The following UBXN7 variants were observed in gnomAD, a reference collection of about 807,000 sequenced individuals.
The protein encoded by UBXN7 is UBX domain-containing protein 7.
Under a neutral mutation model 58.0 loss-of-function variants are expected in UBXN7, and 9 were observed. The ratio of observed to expected loss-of-function variants is 0.16; its 90% confidence interval spans 0.09 to 0.27. UBXN7 has a LOEUF of 0.27. Ranked by LOEUF, UBXN7 falls within the 10% of genes least tolerant of loss-of-function variation. The probability of loss-of-function intolerance (pLI) is 1.00; values close to 1 mark genes in which losing one functional copy is unlikely to be tolerated. For synonymous variants in UBXN7, 208 were observed against 205.0 expected (o/e 1.01, Z -0.12); for missense variants, 328 against 599.6 (o/e 0.55, Z 4.73).
chr3:196,364,699 GGTT>G lies in UBXN7; in HGVS notation c.835-2015_835-2013del, dbSNP rs911660673. 1.5e-4 allele frequency among the ~76,000 whole-genome samples: 22 copies of G among 149,214 alleles called. 1 individual carries two copies. The highest frequency in any genetic ancestry group is 5.5e-4 in the African/African-American group (22 of 40,346). ...TTAAAGGGAAAAACATTTTTTTGCT[GGTT>G]GTTTTTTTTTTTTGAGAGAGGTTCT... On this transcript the variant is annotated intron_variant, in intron 8 of 10. Transcript: ENST00000296328.
intron 8 of UBXN7, among the ~76,000 whole-genome samples, chr3:196,366,286 G>A (rs548640239): frequency 6.6e-6 from 1 of 152,134 alleles, no homozygotes; most frequent in East Asian, 1.9e-4. Flanking sequence ...GGAGGCCAAG[G>A]GAGGAGAATT....
At chr3:196,361,790 G>T in intron 10 of UBXN7, 54 bp downstream of exon 10, 1 of 1,491,396 alleles carries the variant, frequency 6.7e-7, no homozygotes, top group Non-Finnish European at 9.3e-7. Context: ...CAAACAATTT[G>T]GGACTCGTCT....
rs565291965 is a variant in UBXN7, at chr3:196,362,080, G to A, written c.1229-157C>T. Among the ~76,000 whole-genome samples, 125 of 152,198 alleles carry A rather than the reference G, an allele frequency of 8.2e-4. 1 individual carries two copies. The highest frequency in any genetic ancestry group is 2.6e-3 in the African/African-American group (106 of 41,510). ...GTGATCTCAGCTCACTGCAACCTCC[G>A]CCTCCCTGGTTCAAGCCACTCTCCT... is the stretch of plus-strand genomic sequence containing the variant. On this transcript the variant is annotated intron_variant, in intron 9 of 10. Transcript: ENST00000296328.
In UBXN7 at chr3:196,349,688, A is replaced by ATCAGT. The variant is rs1432983955; in HGVS notation, c.*6992_*6996dup. 6.6e-6 allele frequency: 1 copy of ATCAGT among 152,194 alleles called. No individual in the cohort carries two copies. The highest frequency in any genetic ancestry group is 1.5e-5 in the Non-Finnish European group (1 of 68,032). 9.4% of individuals were successfully genotyped at this position (152,194 alleles called of 1,614,324 possible). A position where few individuals can be genotyped will look rare whatever the true frequency, so the allele number is the denominator to read the frequency against. On this transcript the variant is annotated 3_prime_UTR_variant, in exon 11 of 11. Coordinates refer to ENST00000296328, the MANE Select transcript of UBXN7 (RefSeq NM_015562.2). ...GTTCCAGATCAAGAATCTCTCCCTT[A>ATCAGT]TCAGTTAAGAGTTCCATACTGAGTC...
chr3:196,388,837 T>A (rs1174836410), intron 5 of UBXN7, among the ~76,000 whole-genome samples: 1 of 152,106 alleles, frequency 6.6e-6, no homozygotes, highest in African/African-American at 2.4e-5. Context: ...AATACATGTA[T>A]CATTAACCAT....
chr3:196,432,421 GAAC>G lies in UBXN7; in HGVS notation c.-25_-23del, dbSNP rs754348085. On this transcript the variant is annotated 5_prime_UTR_variant, in exon 1 of 11. Coordinates refer to ENST00000296328, the MANE Select transcript of UBXN7 (RefSeq NM_015562.2). ...CCATCTTACCGCCGCCGCCGCCGCC[GAAC>G]AACAACACAGACACACACGGACTGC... The G allele has an allele frequency of 7.5e-5, 119 of 1,579,206 alleles. No homozygotes were observed. In the East Asian group the frequency reaches 1.9e-3, roughly 25 times the overall value.
intron 1 of UBXN7, among the ~76,000 whole-genome samples, chr3:196,414,046 G>A (rs1402048900): frequency 5.3e-5 from 8 of 152,142 alleles, no homozygotes; most frequent in Admixed American, 5.2e-4. Context: ...CTGGAGTGCA[G>A]TGGTACGATC....
chr3:196,412,610 A>G (rs1328867942), intron 1 of UBXN7, among the ~76,000 whole-genome samples: 1 of 152,150 alleles, frequency 6.6e-6, no homozygotes, highest in African/African-American at 2.4e-5. Context: ...GGTCTCAAAA[A>G]TATATTTATA....
intron 5 of UBXN7, among the ~76,000 whole-genome samples, chr3:196,385,355 C>T (rs1729344824): frequency 6.6e-6 from 1 of 152,172 alleles, no homozygotes; most frequent in Admixed American, 6.6e-5. Context: ...CTCGCTACAA[C>T]CTCCACCTCC....
chr3:196,393,067 T>C (rs1250141223), intron 4 of UBXN7, among the ~76,000 whole-genome samples: 1 of 152,214 alleles, frequency 6.6e-6, no homozygotes, highest in African/African-American at 2.4e-5. Flanking sequence ...AAATCAATAC[T>C]AAATCCTCTA....
intron 2 of UBXN7, among the ~76,000 whole-genome samples, chr3:196,405,524 A>C (rs1730135697): frequency 6.6e-6 from 1 of 151,962 alleles, no homozygotes; most frequent in Non-Finnish European, 1.5e-5. Flanking sequence ...ACTTTTACCT[A>C]AACAAAACTT....
intron 1 of UBXN7, among the ~76,000 whole-genome samples, chr3:196,423,023 T>C (rs1730735670): frequency 1.3e-5 from 2 of 152,214 alleles, no homozygotes; most frequent in South Asian, 4.1e-4. Flanking sequence ...TGATTACACT[T>C]ACATGACATT....
At chr3:196,396,944 A>G (rs1430858403) in intron 3 of UBXN7, among the ~76,000 whole-genome samples, 1 of 152,000 alleles carries the variant, frequency 6.6e-6, no homozygotes, top group Non-Finnish European at 1.5e-5. Flanking sequence ...TAAGGGACTG[A>G]TCTCCGTATA....
chr3:196,418,949 G>T (rs959171949), intron 1 of UBXN7, among the ~76,000 whole-genome samples: 1 of 152,152 alleles, frequency 6.6e-6, no homozygotes, highest in Non-Finnish European at 1.5e-5. Flanking sequence ...GCATATTCCT[G>T]AGATGGTGCT....
At position 196,430,514 on chromosome 3, in the gene UBXN7, A is replaced by G. The variant is rs1341882306; in HGVS notation, c.73+1813T>C. Among the ~76,000 whole-genome samples, 4 of 151,872 alleles carry G rather than the reference A, an allele frequency of 2.6e-5. No homozygotes were observed. In the East Asian group the frequency reaches 7.7e-4, roughly 29 times the overall value. On this transcript the variant is annotated intron_variant, in intron 1 of 10. Transcript: ENST00000296328. ...GCAATCCTCCCACCTCAGCCTCCCC[A>G]GTAGCTGGGACTACATGTCGGTGCC...
chr3:196,362,599 G>GAA lies in UBXN7; in HGVS notation c.922_923insTT (p.Thr308IlefsTer35). 6.2e-7 allele frequency: 1 copy of GAA among 1,614,156 alleles called. No individual in the cohort carries two copies. ...TTCATCTGAGCGGCTATCCTGTTTT[G>GAA]TCTGTGTTGAATCAAAATGTGTTTC... On this transcript the variant is annotated frameshift_variant, in exon 9 of 11. Coordinates refer to ENST00000296328, the MANE Select transcript of UBXN7 (RefSeq NM_015562.2). LOFTEE classifies it high-confidence loss of function.
chr3:196,421,486 T>G (rs961529151), intron 1 of UBXN7, among the ~76,000 whole-genome samples: 1 of 152,160 alleles, frequency 6.6e-6, no homozygotes, highest in East Asian at 1.9e-4. Flanking sequence ...GATTTATGGA[T>G]AGTGGCCGGG....
Position 196,408,793 on chromosome 3 carries a change from A to G in UBXN7, c.74-1400T>C, listed in dbSNP as rs12629573. On this transcript the variant is annotated intron_variant, in intron 1 of 10. Transcript: ENST00000296328. ...GGAAATCAGTTGCCAGACTAAAGAA[A>G]AATGTTTTTATAGCAATCTGTTGTT... is the stretch of plus-strand genomic sequence containing the variant. Among the ~76,000 whole-genome samples, 70 of 152,296 alleles carry G rather than the reference A, an allele frequency of 4.6e-4. No homozygotes were observed. In the East Asian group the frequency reaches 0.01, roughly 23 times the overall value.
intron 3 of UBXN7, chr3:196,399,829 T>G (rs1175963572): frequency 1.3e-5 from 2 of 152,186 alleles, no homozygotes; most frequent in Non-Finnish European, 2.9e-5. Context: ...ACCACATGAA[T>G]TCAACCAAGA....
Sources: allele counts gnomAD v4.1 joint callset (sites outside exome capture counted in the v4.1 genomes callset), GRCh38; gene constraint gnomAD v4.1.1; transcripts MANE v1.5; gene names NCBI Gene and HGNC (gene_info 2026-07-23, HGNC 2026-07-21).